The following ATP8A2 variants were observed in gnomAD, a reference collection of about 807,000 sequenced individuals.
ATP8A2 encodes phospholipid-transporting ATPase IB.
In ATP8A2, 100 loss-of-function variants were observed where a neutral mutation model predicts 165.6. That is an observed-to-expected ratio of 0.60 (90% CI 0.51 to 0.71). The LOEUF is 0.71. ATP8A2 is among the 30% of genes least tolerant of loss of function. ATP8A2 has a pLI of 0.00. For missense variants in ATP8A2, 1,227 were observed against 1,479.5 expected (o/e 0.83, Z 2.80); for synonymous variants, 543 against 548.8 (o/e 0.99, Z 0.15).
intron 22 of ATP8A2, 125 bp downstream of exon 22, chr13:25,580,072 G>A (rs2039732571): frequency 3.6e-6 from 4 of 1,096,946 alleles, no homozygotes; most frequent in African/African-American, 1.6e-5. Flanking sequence ...TTAATGAACC[G>A]TTAGCTCTGA....
At chr13:25,417,031 G>A (rs1194106074) in intron 1 of ATP8A2, among the ~76,000 whole-genome samples, 1 of 151,474 alleles carries the variant, frequency 6.6e-6, no homozygotes, top group Admixed American at 6.6e-5. Flanking sequence ...GCTATCTCGG[G>A]GGGTGGTTTA....
chr13:25,512,080 G>A (rs2037245608), intron 2 of ATP8A2, among the ~76,000 whole-genome samples: 2 of 151,740 alleles, frequency 1.3e-5, no homozygotes, highest in South Asian at 2.1e-4. Context: ...AGGGAGTGGT[G>A]ATGACTCTTA....
intron 1 of ATP8A2, among the ~76,000 whole-genome samples, chr13:25,404,981 G>A (rs1256258159): frequency 6.6e-6 from 1 of 152,216 alleles, no homozygotes; most frequent in East Asian, 1.9e-4. Flanking sequence ...CCACTGAGAA[G>A]TGGCCAGAGC....
At chr13:25,390,647 C>T (rs1052866877) in intron 1 of ATP8A2, among the ~76,000 whole-genome samples, 10 of 152,064 alleles carry the variant, frequency 6.6e-5, no homozygotes, top group Non-Finnish European at 1.3e-4. Context: ...AAGATTCATC[C>T]GGCCAGGTGC....
At position 25,382,397 on chromosome 13, in the gene ATP8A2, C is replaced by T. The variant is rs555973134; in HGVS notation, c.76+10109C>T. ...ATAAATAAAGCTGCTATAAATACTTCTGTGCAGGTTTTTGTGTGGACATAA... is the reference window on the plus strand; with the variant it reads ...ATAAATAAAGCTGCTATAAATACTTTTGTGCAGGTTTTTGTGTGGACATAA... On this transcript the variant is annotated intron_variant, in intron 1 of 36. Transcript: ENST00000381655. Among the ~76,000 whole-genome samples, 12 of 152,284 alleles carry T rather than the reference C, an allele frequency of 7.9e-5. No individual in the cohort carries two copies. The South Asian group carries it at 2.5e-3, about 32-fold the overall frequency.
intron 2 of ATP8A2, among the ~76,000 whole-genome samples, chr13:25,471,497 C>A (rs2035844913): frequency 6.6e-6 from 1 of 152,054 alleles, no homozygotes; most frequent in Non-Finnish European, 1.5e-5. Context: ...ATTACAGGCG[C>A]CTGCCCAGCT....
chr13:25,434,409 C>T (rs1009825190), intron 1 of ATP8A2, among the ~76,000 whole-genome samples: 25 of 151,872 alleles, frequency 1.6e-4, no homozygotes, highest in African/African-American at 5.8e-4. Context: ...AGTGCAAAGG[C>T]GTTATCTTGG....
At chr13:25,608,764 G>T (rs542216476) in intron 24 of ATP8A2, among the ~76,000 whole-genome samples, 1 of 152,240 alleles carries the variant, frequency 6.6e-6, no homozygotes, top group Admixed American at 6.5e-5. Context: ...TACTTCTCAA[G>T]CACTTTTCAA....
intron 27 of ATP8A2, among the ~76,000 whole-genome samples, chr13:25,809,443 C>T (rs1273059149): frequency 6.6e-6 from 1 of 152,176 alleles, no homozygotes; most frequent in African/African-American, 2.4e-5. Context: ...TTCATCTCAA[C>T]ACTCGTTCTT....
At chr13:26,010,984 G>A (rs1041050) in intron 35 of ATP8A2, among the ~76,000 whole-genome samples, 147,074 of 152,220 alleles carry the variant, frequency 0.97, 71,165 homozygotes, top group East Asian at 1. Context: ...CTCCTCTTTC[G>A]ATGGCCCTGA....
intron 1 of ATP8A2, among the ~76,000 whole-genome samples, chr13:25,398,347 G>T (rs117522911): frequency 6.6e-6 from 1 of 152,186 alleles, no homozygotes; most frequent in Non-Finnish European, 1.5e-5. Context: ...GGTCATTTGC[G>T]CCTAAACATC....
intron 1 of ATP8A2, among the ~76,000 whole-genome samples, chr13:25,453,399 A>G (rs1205378906): frequency 1.3e-5 from 2 of 151,928 alleles, no homozygotes; most frequent in African/African-American, 4.8e-5. Flanking sequence ...GTACTGGGAG[A>G]ACTTTTCTTA....
intron 24 of ATP8A2, among the ~76,000 whole-genome samples, chr13:25,656,143 A>T (rs1258597857): frequency 2.6e-5 from 4 of 152,142 alleles, no homozygotes; most frequent in African/African-American, 9.7e-5. Flanking sequence ...CACCATCAGT[A>T]CTCAGGAACA....
At chr13:25,785,340 C>A (rs1476218957) in intron 27 of ATP8A2, among the ~76,000 whole-genome samples, 1 of 151,842 alleles carries the variant, frequency 6.6e-6, no homozygotes, top group Non-Finnish European at 1.5e-5. Context: ...GCAGAGGCTG[C>A]AATAAGCTGA....
intron 24 of ATP8A2, among the ~76,000 whole-genome samples, chr13:25,682,122 C>CTG (rs2042501828): frequency 6.6e-6 from 1 of 152,098 alleles, no homozygotes; most frequent in Non-Finnish European, 1.5e-5. Flanking sequence ...ACCAAAAACC[C>CTG]CGTGATCACC....
intron 27 of ATP8A2, among the ~76,000 whole-genome samples, chr13:25,809,859 A>G (rs1950822845): frequency 6.6e-6 from 1 of 152,054 alleles, no homozygotes; most frequent in African/African-American, 2.4e-5. Flanking sequence ...TGTTCAATAA[A>G]TGATCAAGCA....
At chr13:25,940,671 CT>C (rs1438107804) in intron 33 of ATP8A2, among the ~76,000 whole-genome samples, 2 of 152,204 alleles carry the variant, frequency 1.3e-5, no homozygotes, top group Non-Finnish European at 2.9e-5. Context: ...GGTCACAAGC[CT>C]TTGCCCACCG....
chr13:25,427,046 A>G (rs1236284752), intron 1 of ATP8A2, among the ~76,000 whole-genome samples: 2 of 152,228 alleles, frequency 1.3e-5, no homozygotes, highest in Non-Finnish European at 2.9e-5. Flanking sequence ...GGGGAAAGCC[A>G]GAGGGGGTGT....
At chr13:25,691,490 TG>T (rs1369696949) in intron 24 of ATP8A2, among the ~76,000 whole-genome samples, 1 of 152,206 alleles carries the variant, frequency 6.6e-6, no homozygotes, top group Non-Finnish European at 1.5e-5. Flanking sequence ...AGAAACATTT[TG>T]TGGGAGGTAG....
Sources: gnomAD v4.1 joint callset for allele counts (sites outside exome capture counted in the v4.1 genomes callset) on GRCh38, gnomAD v4.1.1 for gene constraint, MANE v1.5 for transcripts, NCBI Gene and HGNC (gene_info 2026-07-23, HGNC 2026-07-21) for gene names.